ATP11B: variants seen among roughly 807,000 people sequenced by gnomAD.
ATP11B encodes phospholipid-transporting ATPase IF.
ATP11B carries 81 observed loss-of-function variants against 157.8 expected under a neutral mutation model. That is an observed-to-expected ratio of 0.51 (90% confidence interval 0.43 to 0.62). ATP11B has a LOEUF of 0.62. ATP11B is among the 20% of genes least tolerant of loss of function. The pLI, the probability that ATP11B is intolerant of heterozygous loss-of-function variation, is 0.00. For missense variants in ATP11B, 1,165 were observed against 1,402.2 expected, an observed-to-expected ratio of 0.83 and a Z score of 2.70; for synonymous variants, 451 against 469.4, an observed-to-expected ratio of 0.96 and a Z score of 0.51.
Position 182,831,060 on chromosome 3 carries a change from T to C in ATP11B, c.315+1308T>C, listed in dbSNP as rs576550574. ...AAGTTACCATCTCTATGATGATGGT[T>C]CCCAAATTTATGTTTATCCTGAAAC... is the stretch of plus-strand genomic sequence containing the variant. On this transcript the variant is annotated intron_variant, in intron 4 of 29. Transcript: ENST00000323116. Among the ~76,000 whole-genome samples the C allele has an allele frequency of 1.4e-4, 21 of 152,274 alleles. No individual in the cohort carries two copies. In the South Asian group the frequency reaches 4.3e-3, roughly 32 times the overall value.
At chr3:182,855,177 C>A (rs556629028) in intron 10 of ATP11B, among the ~76,000 whole-genome samples, 3 of 152,112 alleles carry the variant, frequency 2.0e-5, no homozygotes, top group Non-Finnish European at 4.4e-5. Flanking sequence ...GTAATCAAGA[C>A]AATTTGGTGT....
chr3:182,842,467 C>T (rs1719126594), intron 8 of ATP11B, among the ~76,000 whole-genome samples: 1 of 152,140 alleles, frequency 6.6e-6, no homozygotes, highest in Non-Finnish European at 1.5e-5. Flanking sequence ...TCCGTGCTCT[C>T]CCTGGGCGTG....
At chr3:182,863,884 T>A (rs910628897) in intron 12 of ATP11B, among the ~76,000 whole-genome samples, 2 of 152,046 alleles carry the variant, frequency 1.3e-5, no homozygotes, top group African/African-American at 4.8e-5. Flanking sequence ...AACTCATCCC[T>A]CATTCTTCCT....
intron 18 of ATP11B, among the ~76,000 whole-genome samples, chr3:182,873,381 C>T (rs1049911834): frequency 1.2e-4 from 19 of 152,048 alleles, no homozygotes; most frequent in African/African-American, 4.6e-4. Context: ...TGAGACTCAC[C>T]TAAAGTTAGC....
chr3:182,794,301 C>T (rs1715455424), intron 1 of ATP11B, among the ~76,000 whole-genome samples: 2 of 152,132 alleles, frequency 1.3e-5, no homozygotes, highest in Admixed American at 1.3e-4. Flanking sequence ...TGTTGATTCC[C>T]GAGGAGGAGG....
chr3:182,840,939 CAG>C (rs1370334428), intron 7 of ATP11B, among the ~76,000 whole-genome samples: 2 of 152,156 alleles, frequency 1.3e-5, no homozygotes, highest in Admixed American at 1.3e-4. Context: ...CCATGTCACT[CAG>C]AGTCAAAGCC....
At chr3:182,916,958 C>T in intron 29 of ATP11B, 1 of 981,494 alleles carries the variant, frequency 1.0e-6, no homozygotes, top group Non-Finnish European at 1.2e-6. Flanking sequence ...TCTGCAAATA[C>T]TGGGTGCCCA....
At chr3:182,801,095 C>T (rs1715983177) in intron 1 of ATP11B, among the ~76,000 whole-genome samples, 1 of 152,216 alleles carries the variant, frequency 6.6e-6, no homozygotes, top group Admixed American at 6.5e-5. Flanking sequence ...ACCCATCCCA[C>T]CAGGCCTTCC....
At chr3:182,915,083 A>T (rs1375180219) in intron 29 of ATP11B, 28 of 985,282 alleles carry the variant, frequency 2.8e-5, no homozygotes, top group Non-Finnish European at 3.4e-5. Flanking sequence ...AAGGATTTTT[A>T]TTATTTGGTT....
At position 182,908,246 on chromosome 3, in the gene ATP11B, G is replaced by A. The variant is rs57536916; in HGVS notation, c.3319-5615G>A. ...TGAGCTAGACATAGGGTCTCACTCT[G>A]CTGCCCAGGCTGGAGTGCAGAAGCA... On this transcript the variant is annotated intron_variant, in intron 28 of 29. Transcript: ENST00000323116. Among the ~76,000 whole-genome samples the A allele has an allele frequency of 6.4e-4, 75 of 117,852 alleles. No individual in the cohort carries two copies. In the East Asian group the frequency reaches 0.016, roughly 25 times the overall value. 77.3% of individuals were successfully genotyped at this position (117,852 alleles called of 152,430 possible).
chr3:182,885,514 T>C (rs904671801), intron 22 of ATP11B, among the ~76,000 whole-genome samples: 1 of 152,160 alleles, frequency 6.6e-6, no homozygotes, highest in African/African-American at 2.4e-5. Context: ...CTTATTTTTC[T>C]AGCTTTTACT....
intron 1 of ATP11B, among the ~76,000 whole-genome samples, chr3:182,807,810 C>CT (rs1358381834): frequency 1.3e-5 from 2 of 151,784 alleles, no homozygotes; most frequent in East Asian, 3.9e-4. Flanking sequence ...ATTAAAAAGG[C>CT]TTTTTTTAAA....
chr3:182,901,040 G>A (rs542429406), intron 28 of ATP11B, among the ~76,000 whole-genome samples: 2 of 152,088 alleles, frequency 1.3e-5, no homozygotes, highest in Non-Finnish European at 2.9e-5. Context: ...AAAATTAGCC[G>A]GGCATGGTGG....
At chr3:182,912,811 A>C (rs969408070) in intron 28 of ATP11B, among the ~76,000 whole-genome samples, 2 of 152,204 alleles carry the variant, frequency 1.3e-5, no homozygotes, top group African/African-American at 4.8e-5. Context: ...CCTTCGTGGA[A>C]GTGCAGCCCT....
At chr3:182,834,647 G>A (rs192502891) in intron 4 of ATP11B, among the ~76,000 whole-genome samples, 418 of 152,212 alleles carry the variant, frequency 2.7e-3, no homozygotes, top group Non-Finnish European at 4.5e-3. Context: ...AAATGGCATA[G>A]GAAGTCTTTT....
At chr3:182,859,938 C>G (rs527271117) in intron 12 of ATP11B, among the ~76,000 whole-genome samples, 2 of 120,816 alleles carry the variant, frequency 1.7e-5, no homozygotes, top group African/African-American at 6.0e-5. Flanking sequence ...CTTTCTTCCT[C>G]CCTGCCTTCC....
At position 182,884,287 on chromosome 3, in the gene ATP11B, G is replaced by A. The variant is rs971350815; in HGVS notation, c.2510-466G>A. 3.2e-4 allele frequency among the ~76,000 whole-genome samples: 49 copies of A among 151,976 alleles called. 2 individuals are homozygous for A. The highest frequency in any genetic ancestry group is 5.6e-4 in the Non-Finnish European group (38 of 67,944). The stretch of plus-strand genomic sequence containing the variant: ...TAAATTCATATTTTCCTTTTAAAAA[G>A]TGCACTTTGACTTATTCATGGAAGT... On this transcript the variant is annotated intron_variant, in intron 21 of 29. Transcript: ENST00000323116.
At position 182,799,309 on chromosome 3, in the gene ATP11B, C is replaced by T. The variant is rs182730278; in HGVS notation, c.27+5523C>T. Among the ~76,000 whole-genome samples the T allele has an allele frequency of 9.5e-5, 14 of 146,980 alleles. No homozygotes were observed. The East Asian group carries it at 2.0e-3, about 21-fold the overall frequency. ...TTTTTTTTTTTTTTGGAGACAGTTT[C>T]GCTCTTTCGCCCAGGCGGAGTGCAG... On this transcript the variant is annotated intron_variant, in intron 1 of 29. Transcript: ENST00000323116.
intron 14 of ATP11B, among the ~76,000 whole-genome samples, chr3:182,866,922 T>C (rs1480317827): frequency 2.1e-5 from 2 of 94,558 alleles, no homozygotes; most frequent in Non-Finnish European, 5.7e-5. Context: ...ATATATAAAA[T>C]ATATATATAT....
Sources: gnomAD v4.1 joint callset for allele counts (sites outside exome capture counted in the v4.1 genomes callset) on GRCh38, gnomAD v4.1.1 for gene constraint, MANE v1.5 for transcripts, NCBI Gene and HGNC (gene_info 2026-07-23, HGNC 2026-07-21) for gene names.